Variants in CDK13 observed in about 807,000 individuals in gnomAD.
The protein encoded by CDK13 is cyclin dependent kinase 13.
A neutral mutation model predicts 137.6 loss-of-function variants in CDK13; 40 were observed. The ratio of observed to expected loss-of-function variants is 0.29; its 90% CI spans 0.23 to 0.38. CDK13 has a LOEUF of 0.38. CDK13 is among the 10% of genes least tolerant of loss of function. The pLI, the probability that CDK13 is intolerant of heterozygous loss-of-function variation, is 1.00. For missense variants in CDK13, 1,704 were observed against 1,951.8 expected (o/e 0.87, Z 2.39); for synonymous variants, 869 against 760.1 (o/e 1.14, Z -2.36).
Position 40,096,894 on chromosome 7 carries a change from T to C in CDK13, c.*1914T>C, listed in dbSNP as rs968172086. On this transcript the variant is annotated 3_prime_UTR_variant, in exon 14 of 14. Coordinates refer to ENST00000181839, the MANE Select transcript of CDK13 (RefSeq NM_003718.5). ...GATTACTAACAACTTATAAACTACA[T>C]TGCAGGAAATGAAGAAATATTTTGA... 4.6e-5 allele frequency: 7 copies of C among 152,086 alleles called. No homozygotes were observed. Among genetic ancestry groups the C allele is most frequent in the Non-Finnish European group, 8.8e-5 (6 of 67,968 alleles). 9.4% of individuals were successfully genotyped at this position (152,086 alleles called of 1,614,324 possible).
chr7:39,961,865 C>G (rs1783745595), intron 1 of CDK13, among the ~76,000 whole-genome samples: 1 of 152,130 alleles, frequency 6.6e-6, no homozygotes, highest in Non-Finnish European at 1.5e-5. Context: ...CAATTCCCAC[C>G]TATGAGTGAG....
chr7:40,066,140 G>A (rs527663190), intron 9 of CDK13, among the ~76,000 whole-genome samples: 2 of 152,320 alleles, frequency 1.3e-5, no homozygotes, highest in South Asian at 2.1e-4. Flanking sequence ...CCAGGAAGTC[G>A]AGACTGCAGT....
Position 39,961,634 on chromosome 7 carries a change from C to CTTTT in CDK13, c.1211+9792_1211+9795dup, listed in dbSNP as rs35062975. 4.0e-4 allele frequency among the ~76,000 whole-genome samples: 59 copies of CTTTT among 147,306 alleles called. 1 individual carries two copies. The South Asian group carries it at 0.013, about 31-fold the overall frequency. Reference sequence around the variant, plus strand: ...CTGTCACAAATGACATAATTTACTTCTTTTTTTTTTTTTAATTATACTTTA... The same window carrying CTTTT: ...CTGTCACAAATGACATAATTTACTTCTTTTTTTTTTTTTTTTTAATTATACTTTA... On this transcript the variant is annotated intron_variant, in intron 1 of 13. Coordinates refer to ENST00000181839, the MANE Select transcript of CDK13 (RefSeq NM_003718.5).
chr7:39,988,040 T>C lies in CDK13; in HGVS notation c.1653T>C (p.Asn551=). The change falls in exon 2 of 14, where the codon AAT becomes AAC. Residue 551 remains asparagine, a synonymous_variant. Transcript: ENST00000181839. ...TTCAGGTAACGAAGGTGGAAAATAA[T>C]TTGATTGTAGATAAAGCCACCAAGA... The part of the protein sequence containing the change: ...PPLQVTKVEN[N]LIVDKATKKA... 2 of 1,613,662 alleles carry C rather than the reference T, an allele frequency of 1.2e-6. No individual in the cohort carries two copies. The highest frequency in any genetic ancestry group is 1.7e-5 in the Admixed American group (1 of 59,952).
At chr7:39,980,799 C>T (rs2116232232) in intron 1 of CDK13, among the ~76,000 whole-genome samples, 1 of 152,274 alleles carries the variant, frequency 6.6e-6, no homozygotes, top group African/African-American at 2.4e-5. Context: ...ACCTAGACTC[C>T]TGGAGAAACT....
At chr7:40,020,671 A>C (rs569308999) in intron 5 of CDK13, among the ~76,000 whole-genome samples, 4 of 152,376 alleles carry the variant, frequency 2.6e-5, no homozygotes, top group African/African-American at 9.6e-5. Flanking sequence ...TTCATAATTA[A>C]GCTAAATAAA....
intron 5 of CDK13, among the ~76,000 whole-genome samples, chr7:40,012,902 ACT>A (rs898006638): frequency 4.4e-5 from 6 of 137,076 alleles, no homozygotes; most frequent in African/African-American, 1.7e-4. Flanking sequence ...ACCAAGTGAG[ACT>A]CTGTGTCAAA....
intron 5 of CDK13, among the ~76,000 whole-genome samples, chr7:40,015,225 A>G (rs1345665705): frequency 1.3e-5 from 2 of 152,212 alleles, no homozygotes; most frequent in Non-Finnish European, 2.9e-5. Flanking sequence ...GAGATGACAC[A>G]TGGCAAAGGG....
At chr7:40,039,512 A>G (rs953778635) in intron 5 of CDK13, among the ~76,000 whole-genome samples, 2 of 142,034 alleles carry the variant, frequency 1.4e-5, no homozygotes, top group African/African-American at 2.7e-5. Flanking sequence ...GCTCACTGCA[A>G]CCTCCACTTC....
chr7:40,049,850 C>T (rs904401795), intron 7 of CDK13, among the ~76,000 whole-genome samples: 2 of 152,076 alleles, frequency 1.3e-5, no homozygotes, highest in Non-Finnish European at 2.9e-5. Flanking sequence ...CTTTATGTGC[C>T]TGCCTTATTC....
At chr7:39,955,634 G>C (rs1055346899) in intron 1 of CDK13, among the ~76,000 whole-genome samples, 38 of 152,058 alleles carry the variant, frequency 2.5e-4, no homozygotes, top group African/African-American at 8.7e-4. Context: ...GCATTTTGAA[G>C]ATTTTAAAAG....
rs1786960749 is a variant in CDK13 at position 40,093,005 on chromosome 7, T to G, written c.3456T>G (p.Ser1152=). 1.2e-6 allele frequency: 2 copies of G among 1,614,052 alleles called. No homozygotes were observed. The highest frequency in any genetic ancestry group is 2.7e-5 in the African/African-American group (2 of 74,922). Residue 1152 remains serine, a synonymous_variant, in exon 13 of 14, where the codon TCT becomes TCG. Coordinates refer to ENST00000181839, the MANE Select transcript of CDK13 (RefSeq NM_003718.5). ...QTDPSTPQQE[S]SKPLGGIQPS... ...ATCCATCAACACCACAACAGGAGTC[T>G]TCGAAACCGTTGGGAGGAATTCAGC...
Position 39,951,042 on chromosome 7 carries a change from C to A in CDK13, c.401C>A (p.Ala134Asp). ...PQPQQDGGGG[A>D]SSGGGVTPLV... Reference sequence around the variant, plus strand: ...CCGCAGCAGGACGGCGGTGGCGGTGCTAGTAGCGGCGGGGGTGTGACCCCG... The same window carrying A: ...CCGCAGCAGGACGGCGGTGGCGGTGATAGTAGCGGCGGGGGTGTGACCCCG... Residue 134 changes from alanine (A) to aspartate (D), a missense_variant, in exon 1 of 14, where the codon GCT becomes GAT. Around this residue, in one of 5 missense-constraint regions of CDK13, gnomAD observed 1,051 missense variants for 931.0 expected, o/e 1.13. Coordinates refer to ENST00000181839, the MANE Select transcript of CDK13 (RefSeq NM_003718.5). The A allele has an allele frequency of 7.8e-7, 1 of 1,288,646 alleles. No homozygotes were observed. Among genetic ancestry groups the A allele is most frequent in the Admixed American group, 4.2e-5 (1 of 23,852 alleles). 79.8% of individuals were successfully genotyped at this position (1,288,646 alleles called of 1,614,324 possible).
Position 40,097,678 on chromosome 7 carries a change from T to G in CDK13, c.*2698T>G, listed in dbSNP as rs186264908. On this transcript the variant is annotated 3_prime_UTR_variant, in exon 14 of 14. Transcript: ENST00000181839. Reference sequence around the variant, plus strand: ...CTGCCAAAAGAAGAAAGTATTTATCTTCTCCCACGTGAAATTCCCTTTTGT... The same window carrying G: ...CTGCCAAAAGAAGAAAGTATTTATCGTCTCCCACGTGAAATTCCCTTTTGT... 1 of 152,274 alleles carries G rather than the reference T, an allele frequency of 6.6e-6. No individual in the cohort carries two copies. The highest frequency in any genetic ancestry group is 1.9e-4 in the East Asian group (1 of 5,192). 9.4% of individuals were successfully genotyped at this position (152,274 alleles called of 1,614,324 possible).
At chr7:40,090,511 G>A (rs539498349) in intron 12 of CDK13, among the ~76,000 whole-genome samples, 40 of 152,178 alleles carry the variant, frequency 2.6e-4, no homozygotes, top group African/African-American at 9.6e-4. Flanking sequence ...GTGCCATCAC[G>A]CTCAGCTAAT....
At chr7:39,979,219 T>TC (rs1323764477) in intron 1 of CDK13, among the ~76,000 whole-genome samples, 5 of 146,790 alleles carry the variant, frequency 3.4e-5, no homozygotes, top group African/African-American at 7.7e-5. Flanking sequence ...TTTTTTTCTT[T>TC]TTTTTTTTTT....
intron 1 of CDK13, among the ~76,000 whole-genome samples, chr7:39,983,203 T>G (rs545042485): frequency 3.5e-4 from 54 of 152,280 alleles, no homozygotes; most frequent in African/African-American, 1.3e-3. Context: ...TATATAAGGT[T>G]TAAGGAAGGG....
intron 1 of CDK13, among the ~76,000 whole-genome samples, chr7:39,965,757 G>A (rs1218192126): frequency 6.6e-6 from 1 of 152,080 alleles, no homozygotes; most frequent in Non-Finnish European, 1.5e-5. Flanking sequence ...GGCTCTTACC[G>A]GTTGTTCCTT....
chr7:39,989,657 C>CT (rs1373971321), intron 2 of CDK13, among the ~76,000 whole-genome samples: 5 of 152,010 alleles, frequency 3.3e-5, no homozygotes, highest in African/African-American at 1.2e-4. Context: ...TCAGGGAACG[C>CT]TGAAGGTTCA....
Sources: gnomAD v4.1 joint callset for allele counts (sites outside exome capture counted in the v4.1 genomes callset) on GRCh38, gnomAD v4.1.1 for gene constraint, gnomAD v4.1.1 regional missense constraint, MANE v1.5 for transcripts, NCBI Gene and HGNC (gene_info 2026-07-23, HGNC 2026-07-21) for gene names.